Variants in DSCC1 observed in about 807,000 individuals in gnomAD.
DSCC1 encodes sister chromatid cohesion protein DCC1.
In DSCC1, 32 loss-of-function variants were observed where a neutral mutation model predicts 48.2. The ratio of observed to expected loss-of-function variants is 0.66; its 90% CI spans 0.50 to 0.89. DSCC1 has a LOEUF of 0.89. Among genes scored for constraint, DSCC1 ranks in the 40% least tolerant of loss-of-function variants. The probability of loss-of-function intolerance (pLI) is 0.00; values close to 1 mark genes in which losing one functional copy is unlikely to be tolerated. For synonymous variants in DSCC1, 150 were observed against 171.5 expected, an observed-to-expected ratio of 0.87 and a Z score of 0.98; for missense variants, 421 against 471.7, an observed-to-expected ratio of 0.89 and a Z score of 1.00.
At chr8:119,840,564 T>C (rs1186144872) in intron 7 of DSCC1, among the ~76,000 whole-genome samples, 2 of 152,206 alleles carry the variant, frequency 1.3e-5, no homozygotes, top group African/African-American at 2.4e-5. Context: ...AAGGGCCTTA[T>C]AGGCCAAGAC....
chr8:119,850,648 A>G, intron 2 of DSCC1, 132 bp from the exon 3 acceptor site: 1 of 763,678 alleles, frequency 1.3e-6, no homozygotes, highest in Non-Finnish European at 1.9e-6. Flanking sequence ...TGTATCAGGA[A>G]GGTATTTATC....
intron 4 of DSCC1, among the ~76,000 whole-genome samples, chr8:119,844,851 T>C (rs1403322630): frequency 2.6e-5 from 4 of 152,182 alleles, no homozygotes; most frequent in African/African-American, 9.7e-5. Flanking sequence ...TCAATATTCA[T>C]GATAATCTCT....
intron 7 of DSCC1, 39 bp downstream of exon 7, chr8:119,841,755 C>G (rs902484804): frequency 1.9e-6 from 3 of 1,594,408 alleles, no homozygotes; most frequent in Non-Finnish European, 2.6e-6. Flanking sequence ...AGTAATTAAT[C>G]AACTGTTGAA....
chr8:119,836,227 C>T (rs544145940), intron 8 of DSCC1, among the ~76,000 whole-genome samples: 7 of 152,220 alleles, frequency 4.6e-5, no homozygotes, highest in African/African-American at 1.7e-4. Context: ...GCAGGAGAAT[C>T]CCTTAAACTC....
At position 119,838,417 on chromosome 8, in the gene DSCC1, A is replaced by G; in HGVS notation, c.925-10T>C. On this transcript the variant is annotated splice_polypyrimidine_tract_variant and intron_variant, in intron 7 of 8. Coordinates refer to ENST00000313655, the MANE Select transcript of DSCC1 (RefSeq NM_024094.3). Reference sequence around the variant, plus strand: ...CCACCAGCGCTAAACCCTACAAGAAATGAGAAGAAACAGAGCAGTTAAAGT... The same window carrying G: ...CCACCAGCGCTAAACCCTACAAGAAGTGAGAAGAAACAGAGCAGTTAAAGT... 6.4e-7 allele frequency: 1 copy of G among 1,563,400 alleles called. No individual in the cohort carries two copies. Among genetic ancestry groups the G allele is most frequent in the East Asian group, 2.3e-5 (1 of 43,930 alleles).
intron 7 of DSCC1, chr8:119,838,624 A>G (rs1826721055): frequency 4.8e-6 from 2 of 419,186 alleles, no homozygotes; most frequent in East Asian, 8.2e-5. Flanking sequence ...TTCTACCATC[A>G]GCAGTCTATC....
chr8:119,855,568 A>T (rs929931121), intron 1 of DSCC1, 46 bp downstream of exon 1: 15 of 1,515,508 alleles, frequency 9.9e-6, no homozygotes, highest in Admixed American at 2.1e-5. Context: ...CTGAGAAAAT[A>T]ACGTGGCCGG....
intron 4 of DSCC1, among the ~76,000 whole-genome samples, chr8:119,846,104 G>A (rs1161987263): frequency 1.4e-5 from 2 of 144,032 alleles, no homozygotes; most frequent in East Asian, 4.1e-4. Context: ...ACTATTTGAT[G>A]TCTAAGGACT....
rs1826623880 is a variant in DSCC1, at chr8:119,834,137, C to T, written c.*756G>A. 6.6e-6 allele frequency: 1 copy of T among 152,096 alleles called. No individual in the cohort carries two copies. 9.4% of individuals were successfully genotyped at this position (152,096 alleles called of 1,614,324 possible). On this transcript the variant is annotated 3_prime_UTR_variant, in exon 9 of 9. Coordinates refer to ENST00000313655, the MANE Select transcript of DSCC1 (RefSeq NM_024094.3). Reference sequence around the variant, plus strand: ...CGTGGACCATTTAACCTCGGCCTACCCCCTCCAACTGTCCTGGTGATGAGT... The same window carrying T: ...CGTGGACCATTTAACCTCGGCCTACTCCCTCCAACTGTCCTGGTGATGAGT...
chr8:119,847,116 GA>G (rs1255597657), intron 3 of DSCC1, 36 bp from the exon 4 acceptor site: 1 of 1,566,252 alleles, frequency 6.4e-7, no homozygotes, highest in Admixed American at 1.7e-5. Flanking sequence ...GGCCTTTGAA[GA>G]ATATTTTGTT....
chr8:119,852,043 G>A (rs184266987), intron 2 of DSCC1, among the ~76,000 whole-genome samples: 16 of 152,298 alleles, frequency 1.1e-4, no homozygotes, highest in Admixed American at 3.9e-4. Context: ...TTTACTGGAT[G>A]TTCCTCTATT....
In DSCC1 at chr8:119,845,976, G is replaced by T. The variant is rs190463413; in HGVS notation, c.577+1014C>A. On this transcript the variant is annotated intron_variant, in intron 4 of 8. Coordinates refer to ENST00000313655, the MANE Select transcript of DSCC1 (RefSeq NM_024094.3). ...AGAAAAAAAATTAATTTTGCTAGGAGTTCAAGGACCTGGGTTCTATGCCAT... is the reference window on the plus strand; with the variant it reads ...AGAAAAAAAATTAATTTTGCTAGGATTTCAAGGACCTGGGTTCTATGCCAT... Among the ~76,000 whole-genome samples the T allele has an allele frequency of 2.6e-5, 4 of 152,190 alleles. 1 individual carries two copies. The highest frequency in any genetic ancestry group is 2.6e-4 in the Admixed American group (4 of 15,270).
intron 3 of DSCC1, among the ~76,000 whole-genome samples, chr8:119,847,406 G>T (rs961356785): frequency 6.6e-6 from 1 of 152,084 alleles, no homozygotes; most frequent in Non-Finnish European, 1.5e-5. Flanking sequence ...CACCACAAAA[G>T]GACAAATACT....
At position 119,855,842 on chromosome 8, in the gene DSCC1, C is replaced by A. The variant is rs764080460; in HGVS notation, c.-47G>T. 21 of 1,414,428 alleles carry A rather than the reference C, an allele frequency of 1.5e-5. No homozygotes were observed. Among genetic ancestry groups the A allele is most frequent in the Middle Eastern group, 2.5e-4 (1 of 3,924 alleles). 87.6% of individuals were successfully genotyped at this position (1,414,428 alleles called of 1,614,324 possible). ...CCCGCCGCGCCCGGGTGGCTGCGGGCTTGGCGGGCAAGAAAGAAGTTCCCA... is the reference window on the plus strand; with the variant it reads ...CCCGCCGCGCCCGGGTGGCTGCGGGATTGGCGGGCAAGAAAGAAGTTCCCA... On this transcript the variant is annotated 5_prime_UTR_variant, in exon 1 of 9. Transcript: ENST00000313655.
chr8:119,842,875 G>A lies in DSCC1; in HGVS notation c.717-47C>T, dbSNP rs373165388. 1.1e-5 allele frequency: 16 copies of A among 1,510,480 alleles called. No homozygotes were observed. The African/African-American group carries it at 2.3e-4, about 21-fold the overall frequency. 93.6% of individuals were successfully genotyped at this position (1,510,480 alleles called of 1,614,324 possible). ...CTTGAAAAGTTATAAGCATTTTTAT[G>A]CACTATATTTTAACCCCATTGCCAA... On this transcript the variant is annotated intron_variant, in intron 5 of 8. Coordinates refer to ENST00000313655, the MANE Select transcript of DSCC1 (RefSeq NM_024094.3).
At chr8:119,837,609 C>T (rs1826705226) in intron 8 of DSCC1, among the ~76,000 whole-genome samples, 1 of 152,142 alleles carries the variant, frequency 6.6e-6, no homozygotes, top group Admixed American at 6.5e-5. Context: ...TGTGTATTCT[C>T]CAAAAAGTTT....
intron 8 of DSCC1, among the ~76,000 whole-genome samples, chr8:119,836,830 C>T (rs1030505064): frequency 6.6e-6 from 1 of 152,008 alleles, no homozygotes; most frequent in Non-Finnish European, 1.5e-5. Flanking sequence ...ACCTGGAGCA[C>T]TCCAACATTT....
rs577373626 is a variant in DSCC1 at position 119,847,769 on chromosome 8, G to A, written c.487-689C>T. On this transcript the variant is annotated intron_variant, in intron 3 of 8. Coordinates refer to ENST00000313655, the MANE Select transcript of DSCC1 (RefSeq NM_024094.3). ...CAACCTCTGCCTCCCAGGTTCAAAC[G>A]ATTCTCCTGCCTCAACCTCCTGAAT... Among the ~76,000 whole-genome samples the A allele has an allele frequency of 4.0e-5, 6 of 150,596 alleles. No homozygotes were observed. In the South Asian group the frequency reaches 1.0e-3, roughly 26 times the overall value.
chr8:119,846,962 T>C (rs1175711627), intron 4 of DSCC1, 28 bp downstream of exon 4: 11 of 1,598,740 alleles, frequency 6.9e-6, no homozygotes, highest in East Asian at 2.2e-5. Flanking sequence ...AATTTCATCA[T>C]TGTTAAAATA....
Sources: allele counts gnomAD v4.1 joint callset (sites outside exome capture counted in the v4.1 genomes callset), GRCh38; gene constraint gnomAD v4.1.1; transcripts MANE v1.5; gene names NCBI Gene and HGNC (gene_info 2026-07-23, HGNC 2026-07-21).